The following SNAP25 variants were observed in gnomAD, a reference collection of about 807,000 sequenced individuals.
The protein encoded by SNAP25 is synaptosomal-associated protein 25.
In SNAP25, 3 loss-of-function variants were observed where a neutral mutation model predicts 28.7. That is an observed-to-expected ratio of 0.10 (90% CI 0.05 to 0.27). SNAP25 has a LOEUF of 0.27. Ranked by LOEUF, SNAP25 falls within the 10% of genes least tolerant of loss-of-function variation. SNAP25 has a pLI of 1.00. For synonymous variants in SNAP25, 61 were observed against 88.1 expected (o/e 0.69, Z 1.72); for missense variants, 117 against 278.7 (o/e 0.42, Z 4.13).
chr20:10,233,567 A>T (rs2062863637), intron 1 of SNAP25, among the ~76,000 whole-genome samples: 1 of 152,214 alleles, frequency 6.6e-6, no homozygotes, highest in Admixed American at 6.5e-5. Flanking sequence ...TCCATTGAGA[A>T]GGTAAGCATT....
In SNAP25 at chr20:10,275,412, T is replaced by C; in HGVS notation, c.-63-17T>C. ...ACATATATAAGCTCTCATATTTTCA[T>C]ATCTACTTCTTCCCAGGTCCAGAGC... On this transcript the variant is annotated splice_polypyrimidine_tract_variant and intron_variant, in intron 1 of 7. Coordinates refer to ENST00000254976, the MANE Select transcript of SNAP25 (RefSeq NM_130811.4). 7.8e-7 allele frequency: 1 copy of C among 1,287,932 alleles called. No individual in the cohort carries two copies. Among genetic ancestry groups the C allele is most frequent in the Non-Finnish European group, 1.1e-6 (1 of 927,458 alleles). The allele number at this position is 1,287,932 out of a possible 1,614,324, so 79.8% of individuals were successfully genotyped here.
At chr20:10,260,157 T>A (rs532136279) in intron 1 of SNAP25, among the ~76,000 whole-genome samples, 1 of 152,332 alleles carries the variant, frequency 6.6e-6, no homozygotes, top group African/African-American at 2.4e-5. Context: ...TCTGCCAATT[T>A]GGTAATTCTC....
intron 1 of SNAP25, among the ~76,000 whole-genome samples, chr20:10,268,072 T>C (rs1333029346): frequency 6.6e-6 from 1 of 152,210 alleles, no homozygotes; most frequent in African/African-American, 2.4e-5. Context: ...ATATTTTATA[T>C]GAAAAGCACT....
At chr20:10,291,402 C>T (rs1480420132) in intron 4 of SNAP25, among the ~76,000 whole-genome samples, 1 of 151,936 alleles carries the variant, frequency 6.6e-6, no homozygotes, top group Non-Finnish European at 1.5e-5. Context: ...TTTTTTAAGC[C>T]ATCACTGTGC....
chr20:10,256,156 G>T (rs1422170310), intron 1 of SNAP25, among the ~76,000 whole-genome samples: 3 of 152,138 alleles, frequency 2.0e-5, no homozygotes, highest in Non-Finnish European at 4.4e-5. Context: ...TCAGAGCTAG[G>T]TATCTCTAAG....
chr20:10,239,389 G>A (rs1568579682), intron 1 of SNAP25, among the ~76,000 whole-genome samples: 1 of 152,214 alleles, frequency 6.6e-6, no homozygotes, highest in Admixed American at 6.5e-5. Context: ...GAGAACGAAG[G>A]AGATACTATA....
rs565092108 is a variant in SNAP25 at position 10,307,111 on chromosome 20, T to C, written c.*914T>C. ...GATGGCTATGTTTTGGAGAGAGCAA[T>C]CTTGCTGTGAAACAGTGTGGATGTA... is the stretch of plus-strand genomic sequence containing the variant. On this transcript the variant is annotated 3_prime_UTR_variant, in exon 8 of 8. Coordinates refer to ENST00000254976, the MANE Select transcript of SNAP25 (RefSeq NM_130811.4). 1.0e-4 allele frequency: 16 copies of C among 152,566 alleles called. No homozygotes were observed. The highest frequency in any genetic ancestry group is 3.9e-4 in the African/African-American group (16 of 41,556). 9.5% of individuals were successfully genotyped at this position (152,566 alleles called of 1,614,324 possible).
Position 10,306,125 on chromosome 20 carries a change from C to T in SNAP25, c.553-4C>T, listed in dbSNP as rs79020892. 3.3e-3 allele frequency: 5,253 copies of T among 1,613,448 alleles called. 132 individuals are homozygous for T. The African/African-American group carries it at 0.058, about 18-fold the overall frequency. ...GAGTTCTGTTTCTTTTCCCCCTTTT[C>T]TAGGCTGATTCCAACAAAACCAGAA... On this transcript the variant is annotated splice_region_variant and splice_polypyrimidine_tract_variant and intron_variant, in intron 7 of 7. Transcript: ENST00000254976.
chr20:10,264,491 C>T (rs362547), intron 1 of SNAP25, among the ~76,000 whole-genome samples: 56,553 of 152,000 alleles, frequency 0.37, 11,031 homozygotes, highest in Middle Eastern at 0.47. Context: ...GATTGTTCTT[C>T]AGCCAAATTC....
At chr20:10,283,982 G>T (rs2063827515) in intron 3 of SNAP25, among the ~76,000 whole-genome samples, 1 of 152,064 alleles carries the variant, frequency 6.6e-6, no homozygotes, top group South Asian at 2.1e-4. Flanking sequence ...AGGAGATGAG[G>T]GATGCCTTTT....
intron 7 of SNAP25, among the ~76,000 whole-genome samples, chr20:10,302,133 G>C (rs1235266973): frequency 1.3e-5 from 2 of 152,056 alleles, no homozygotes; most frequent in Non-Finnish European, 2.9e-5. Context: ...GGCTGAGGCA[G>C]GAGAATTCCT....
At chr20:10,304,008 G>A (rs532017002) in intron 7 of SNAP25, among the ~76,000 whole-genome samples, 2 of 152,244 alleles carry the variant, frequency 1.3e-5, no homozygotes, top group South Asian at 2.1e-4. Flanking sequence ...GTTCTCATAC[G>A]GTAACAATAA....
At chr20:10,267,163 G>T (rs968771979) in intron 1 of SNAP25, among the ~76,000 whole-genome samples, 8 of 152,032 alleles carry the variant, frequency 5.3e-5, no homozygotes, top group Non-Finnish European at 1.0e-4. Flanking sequence ...GGAAATTAAA[G>T]CTGAAATTTA....
chr20:10,289,752 T>C (rs1377568373), intron 4 of SNAP25, among the ~76,000 whole-genome samples: 3 of 150,180 alleles, frequency 2.0e-5, no homozygotes, highest in African/African-American at 7.4e-5. Context: ...ATTCTTCTAC[T>C]GATTTTTACT....
At chr20:10,236,826 G>C (rs1421439922) in intron 1 of SNAP25, among the ~76,000 whole-genome samples, 2 of 152,008 alleles carry the variant, frequency 1.3e-5, no homozygotes, top group Non-Finnish European at 2.9e-5. Flanking sequence ...AGGGCATTCT[G>C]ATACCTGGCT....
At chr20:10,254,200 A>G (rs1363523862) in intron 1 of SNAP25, among the ~76,000 whole-genome samples, 1 of 152,224 alleles carries the variant, frequency 6.6e-6, no homozygotes, top group Non-Finnish European at 1.5e-5. Context: ...CTTCATCCAT[A>G]CAGAGACCAG....
chr20:10,304,923 AATT>A (rs1197230264), intron 7 of SNAP25, among the ~76,000 whole-genome samples: 1 of 152,176 alleles, frequency 6.6e-6, no homozygotes, highest in African/African-American at 2.4e-5. Context: ...GTGGCTATGA[AATT>A]ATTAGAGTAG....
intron 5 of SNAP25, among the ~76,000 whole-genome samples, chr20:10,295,478 G>C (rs1204512551): frequency 6.6e-6 from 1 of 152,112 alleles, no homozygotes; most frequent in Non-Finnish European, 1.5e-5. Context: ...ATGGGTCCAT[G>C]GCCCTTTGGT....
intron 1 of SNAP25, among the ~76,000 whole-genome samples, chr20:10,269,085 A>C (rs185475072): frequency 1.3e-5 from 2 of 152,248 alleles, no homozygotes; most frequent in African/African-American, 4.8e-5. Context: ...TTGTTTTTAC[A>C]TCTTGTATTT....
Sources: gnomAD v4.1 joint callset for allele counts (sites outside exome capture counted in the v4.1 genomes callset) on GRCh38, gnomAD v4.1.1 for gene constraint, MANE v1.5 for transcripts, NCBI Gene and HGNC (gene_info 2026-07-23, HGNC 2026-07-21) for gene names.